Variants in SMARCC1 observed in about 807,000 individuals in gnomAD.
The protein encoded by SMARCC1 is SWI/SNF related BAF chromatin remodeling complex subunit C1, also known as SWI/SNF complex subunit SMARCC1.
Under a neutral mutation model 147.4 loss-of-function variants are expected in SMARCC1, and 43 were observed. The observed-to-expected ratio is 0.29, with a 90% CI of 0.23 to 0.38. SMARCC1 has a LOEUF of 0.38. Ranked by LOEUF, SMARCC1 falls within the 10% of genes least tolerant of loss-of-function variation. The pLI is 1.00. For synonymous variants in SMARCC1, 495 were observed against 484.4 expected (o/e 1.02, Z -0.29); for missense variants, 1,119 against 1,381.1 (o/e 0.81, Z 3.01).
chr3:47,776,613 T>C (rs1259747236), intron 1 of SMARCC1, among the ~76,000 whole-genome samples: 2 of 151,976 alleles, frequency 1.3e-5, no homozygotes, highest in East Asian at 1.9e-4. Flanking sequence ...AAATAATAAC[T>C]ACAATCTGTA....
rs1553682242 is a variant in SMARCC1 at position 47,673,395 on chromosome 3, A to AAGGG, written c.1839+2079_1839+2080insCCCT. 3.1e-4 allele frequency among the ~76,000 whole-genome samples: 5 copies of AAGGG among 15,884 alleles called. 1 individual carries two copies. The highest frequency in any genetic ancestry group is 3.9e-4 in the Non-Finnish European group (3 of 7,728). The allele number at this position is 15,884 out of a possible 152,430, so 10.4% of individuals were successfully genotyped here. A position where few individuals can be genotyped will look rare whatever the true frequency, so the allele number is the denominator to read the frequency against. ...AGCGAGACTCTGTCTCAAAAAAAAAAGGGTGGGGGGGGGGCAGGCCAGTGG... is the reference window on the plus strand; with the variant it reads ...AGCGAGACTCTGTCTCAAAAAAAAAAAGGGGGGTGGGGGGGGGGCAGGCCAGTGG... On this transcript the variant is annotated intron_variant, in intron 18 of 27. Transcript: ENST00000254480.
intron 9 of SMARCC1, among the ~76,000 whole-genome samples, chr3:47,707,525 A>T (rs991844355): frequency 4.6e-5 from 7 of 152,134 alleles, no homozygotes; most frequent in Non-Finnish European, 8.8e-5. Flanking sequence ...CACCTAAATT[A>T]TCAGTACTAG....
chr3:47,780,173 T>TTG (rs1553693492), intron 1 of SMARCC1, among the ~76,000 whole-genome samples: 7 of 135,258 alleles, frequency 5.2e-5, no homozygotes, highest in Admixed American at 7.4e-5. Context: ...TTTTTGTTTT[T>TTG]TTTTTTTTTT....
At chr3:47,648,013 G>A (rs1254439229) in intron 21 of SMARCC1, among the ~76,000 whole-genome samples, 1 of 151,452 alleles carries the variant, frequency 6.6e-6, no homozygotes, top group Non-Finnish European at 1.5e-5. Flanking sequence ...ACTTTTTTTT[G>A]AGACAGAGTC....
intron 6 of SMARCC1, among the ~76,000 whole-genome samples, chr3:47,723,117 A>G (rs147935405): frequency 6.6e-6 from 1 of 152,174 alleles, no homozygotes; most frequent in Non-Finnish European, 1.5e-5. Context: ...GTTGGTTTAC[A>G]TATGAAAGAT....
intron 10 of SMARCC1, among the ~76,000 whole-genome samples, chr3:47,704,989 C>CAAAA (rs34157187): frequency 1.5e-5 from 1 of 65,888 alleles, no homozygotes; most frequent in African/African-American, 5.5e-5. Context: ...GACCCTGTCT[C>CAAAA]AAAAAAAAAA....
At position 47,636,030 on chromosome 3, in the gene SMARCC1, G is replaced by A. The variant is rs776378242; in HGVS notation, c.2483C>T (p.Thr828Ile). 2 of 1,523,678 alleles carry A rather than the reference G, an allele frequency of 1.3e-6. No homozygotes were observed. The highest frequency in any genetic ancestry group is 1.8e-6 in the Non-Finnish European group (2 of 1,104,828). 94.4% of individuals were successfully genotyped at this position (1,523,678 alleles called of 1,614,324 possible). A position where few individuals can be genotyped will look rare whatever the true frequency, so the allele number is the denominator to read the frequency against. The change falls in exon 23 of 28, where the codon ACC becomes ATC. Residue 828 changes from threonine to isoleucine, a missense_variant. Thr to Ile is a moderately conservative substitution (Grantham distance 89). Transcript: ENST00000254480. Reference protein sequence around the residue: ...KEQDSEVSEDTKSEEKETEEN... With the variant: ...KEQDSEVSEDIKSEEKETEEN... ...GAGTTTCCTCAAATTACCTGATTTG[G>A]TATCCTCACTCACTTCACTATCCTG...
At chr3:47,734,790 T>G (rs1361914771) in intron 5 of SMARCC1, among the ~76,000 whole-genome samples, 1 of 152,102 alleles carries the variant, frequency 6.6e-6, no homozygotes, top group African/African-American at 2.4e-5. Flanking sequence ...TGAGACGGAG[T>G]CTCGCTCTGT....
At chr3:47,689,808 G>A (rs1422986952) in intron 12 of SMARCC1, among the ~76,000 whole-genome samples, 2 of 152,110 alleles carry the variant, frequency 1.3e-5, no homozygotes, top group South Asian at 2.1e-4. Context: ...AAAAAAACGG[G>A]TGATAACCAA....
At chr3:47,676,922 G>A (rs1235594441) in intron 16 of SMARCC1, 140 bp from the exon 17 acceptor site, 3 of 690,960 alleles carry the variant, frequency 4.3e-6, no homozygotes, top group Admixed American at 2.8e-5. Context: ...CAAACTACTT[G>A]ACAGATTTTG....
intron 23 of SMARCC1, 77 bp downstream of exon 23, chr3:47,635,945 C>T: frequency 1.4e-6 from 1 of 722,358 alleles, no homozygotes. Flanking sequence ...GGAAATATTT[C>T]TATATAAACC....
At chr3:47,657,597 G>T (rs570852527) in intron 21 of SMARCC1, among the ~76,000 whole-genome samples, 1 of 152,016 alleles carries the variant, frequency 6.6e-6, no homozygotes, top group Non-Finnish European at 1.5e-5. Flanking sequence ...CAGGAGTTCC[G>T]AGATGAGCCT....
chr3:47,703,143 A>G (rs972506546), intron 10 of SMARCC1, among the ~76,000 whole-genome samples: 1 of 151,852 alleles, frequency 6.6e-6, no homozygotes, highest in Non-Finnish European at 1.5e-5. Flanking sequence ...CATGCTGCCC[A>G]GGCTGGTCTC....
At chr3:47,770,099 G>T (rs1373845149) in intron 2 of SMARCC1, among the ~76,000 whole-genome samples, 1 of 151,870 alleles carries the variant, frequency 6.6e-6, no homozygotes, top group Admixed American at 6.6e-5. Flanking sequence ...GTGGTGGTGG[G>T]CGCCTGTAGT....
intron 25 of SMARCC1, among the ~76,000 whole-genome samples, chr3:47,612,582 A>C (rs1054665415): frequency 3.3e-5 from 5 of 152,172 alleles, no homozygotes; most frequent in Non-Finnish European, 5.9e-5. Flanking sequence ...TTAACCTTGG[A>C]AAGAAAAAAA....
At chr3:47,706,663 C>A (rs895250329) in intron 9 of SMARCC1, 133 bp from the exon 10 acceptor site, 13 of 772,152 alleles carry the variant, frequency 1.7e-5, no homozygotes, top group Non-Finnish European at 2.4e-5. Context: ...AAAAGAATAT[C>A]ATTAATCATC....
chr3:47,601,216 CA>C (rs1026587591), intron 26 of SMARCC1, among the ~76,000 whole-genome samples: 4 of 151,646 alleles, frequency 2.6e-5, no homozygotes, highest in African/African-American at 9.7e-5. Flanking sequence ...AAAAATCCCT[CA>C]TTCTCTCTCA....
At chr3:47,719,177 G>A (rs996133799) in intron 7 of SMARCC1, among the ~76,000 whole-genome samples, 2 of 151,810 alleles carry the variant, frequency 1.3e-5, no homozygotes, top group African/African-American at 2.4e-5. Flanking sequence ...GCCTCCCAAA[G>A]TACTGGGATT....
intron 2 of SMARCC1, among the ~76,000 whole-genome samples, chr3:47,767,189 GAAAA>G (rs375076788): frequency 1.2e-5 from 1 of 80,176 alleles, no homozygotes; most frequent in African/African-American, 5.2e-5. Flanking sequence ...TCTCCAAAAA[GAAAA>G]AAAAAAAAAA....
Sources: allele counts gnomAD v4.1 joint callset (sites outside exome capture counted in the v4.1 genomes callset), GRCh38; gene constraint gnomAD v4.1.1; transcripts MANE v1.5; gene names NCBI Gene and HGNC (gene_info 2026-07-23, HGNC 2026-07-21).